DMD: variants seen among roughly 807,000 people sequenced by gnomAD.
DMD encodes dystrophin.
DMD carries 63 observed loss-of-function variants against 330.1 expected under a neutral mutation model. The ratio of observed to expected loss-of-function variants is 0.19; its 90% confidence interval spans 0.16 to 0.24. The LOEUF (loss-of-function observed/expected upper bound fraction) is 0.24. DMD is among the 10% of genes least tolerant of loss of function. The pLI is 1.00. For missense variants in DMD, 3,344 were observed against 2,684.1 expected (o/e 1.25, Z -5.43); for synonymous variants, 1,223 against 959.8 (o/e 1.27, Z -5.07).
intron 48 of DMD, among the ~76,000 whole-genome samples, chrX:31,849,215 C>CATTT (rs55862537): frequency 1.2e-3 from 131 of 107,743 alleles, no homozygotes; most frequent in Non-Finnish European, 1.9e-3. Flanking sequence ...TATGTTCAAA[C>CATTT]ATTTATTTAT....
intron 32 of DMD, 144 bp downstream of exon 32, chrX:32,389,357 G>T: frequency 1.6e-6 from 1 of 622,385 alleles, no homozygotes; most frequent in South Asian, 2.5e-5. Flanking sequence ...CACAATACAT[G>T]TGCCAATTTT....
chrX:33,227,250 A>T (rs754183197), intron 1 of DMD, among the ~76,000 whole-genome samples: 2 of 111,224 alleles, frequency 1.8e-5, no homozygotes, highest in Admixed American at 1.9e-4. Context: ...TTTAGAGTGC[A>T]ACTTCAGCAA....
intron 44 of DMD, among the ~76,000 whole-genome samples, chrX:32,026,628 C>T (rs2095847408): frequency 8.9e-6 from 1 of 112,312 alleles, no homozygotes; most frequent in Non-Finnish European, 1.9e-5. Flanking sequence ...TTATTTTCCT[C>T]CTAAATATGT....
At chrX:31,284,687 C>G (rs1378787167) in intron 62 of DMD, among the ~76,000 whole-genome samples, 1 of 107,355 alleles carries the variant, frequency 9.3e-6, no homozygotes, top group Non-Finnish European at 1.9e-5. Flanking sequence ...GCTCCCACCT[C>G]AGCCTCCCAA....
intron 7 of DMD, among the ~76,000 whole-genome samples, chrX:32,790,552 C>A (rs1045959079): frequency 5.4e-5 from 6 of 111,467 alleles, no homozygotes; most frequent in African/African-American, 9.8e-5. Flanking sequence ...TATGTCCTGA[C>A]CTAGGACTAA....
At chrX:33,160,401 T>G (rs780153817) in intron 1 of DMD, among the ~76,000 whole-genome samples, 2 of 111,572 alleles carry the variant, frequency 1.8e-5, no homozygotes, top group Non-Finnish European at 3.8e-5. Flanking sequence ...AGGAAGGCTC[T>G]ACTTCCTCAG....
intron 59 of DMD, among the ~76,000 whole-genome samples, chrX:31,474,646 T>C (rs966797077): frequency 1.5e-4 from 16 of 104,008 alleles, no homozygotes; most frequent in Non-Finnish European, 2.7e-4. Flanking sequence ...GAGGTGGAGG[T>C]TGCAGTGAGC....
intron 44 of DMD, chrX:32,035,575 A>G (rs961789613): frequency 6.5e-6 from 2 of 306,911 alleles, no homozygotes; most frequent in Non-Finnish European, 1.2e-5. Context: ...TAGCAGAAAT[A>G]CAGGCTTCTA....
intron 6 of DMD, 142 bp downstream of exon 6, chrX:32,816,326 T>C (rs2077757887): frequency 1.6e-6 from 1 of 622,390 alleles, no homozygotes; most frequent in African/African-American, 2.2e-5. Context: ...TTCATTCCAA[T>C]GGAACGTTAG....
intron 60 of DMD, among the ~76,000 whole-genome samples, chrX:31,396,208 G>A (rs1371553594): frequency 1.9e-5 from 2 of 107,000 alleles, no homozygotes; most frequent in Non-Finnish European, 3.9e-5. Context: ...CGCGATCTCG[G>A]CTCACTGCAA....
chrX:32,670,726 T>C (rs2061581061), intron 9 of DMD, among the ~76,000 whole-genome samples: 1 of 112,551 alleles, frequency 8.9e-6, no homozygotes, highest in Non-Finnish European at 1.9e-5. Context: ...TAATTATTTG[T>C]AAACAAAGAC....
intron 44 of DMD, among the ~76,000 whole-genome samples, chrX:32,086,651 T>C (rs772197234): frequency 1.0e-3 from 112 of 111,741 alleles, no homozygotes; most frequent in African/African-American, 3.6e-3. Context: ...TGTAGCTGCT[T>C]GAGGCCACTC....
At chrX:32,639,685 T>G (rs1192404539) in intron 11 of DMD, among the ~76,000 whole-genome samples, 3 of 112,043 alleles carry the variant, frequency 2.7e-5, no homozygotes, top group Non-Finnish European at 5.6e-5. Flanking sequence ...AGTGTGGTTA[T>G]GAAGGAGAAA....
intron 2 of DMD, among the ~76,000 whole-genome samples, chrX:32,880,261 T>A (rs1877610492): frequency 9.8e-6 from 1 of 101,561 alleles, no homozygotes; most frequent in Non-Finnish European, 2.0e-5. Context: ...AATCAGCCAA[T>A]AGGCTGAAAG....
chrX:31,901,881 C>T (rs2094427700), intron 47 of DMD, among the ~76,000 whole-genome samples: 1 of 111,226 alleles, frequency 9.0e-6, no homozygotes, highest in Admixed American at 9.6e-5. Flanking sequence ...AATATGCATA[C>T]ACTGTGGAAT....
intron 9 of DMD, among the ~76,000 whole-genome samples, chrX:32,647,145 A>G (rs1190766593): frequency 8.9e-6 from 1 of 111,736 alleles, no homozygotes; most frequent in African/African-American, 3.3e-5. Context: ...GAAGAAACAC[A>G]TGCCTCTATT....
At chrX:32,944,575 T>G (rs1476503311) in intron 2 of DMD, among the ~76,000 whole-genome samples, 1 of 110,223 alleles carries the variant, frequency 9.1e-6, no homozygotes, top group African/African-American at 3.3e-5. Flanking sequence ...TCTCTTTTGT[T>G]TCACTAATCT....
At chrX:32,828,569 A>G (rs1029163554) in intron 4 of DMD, among the ~76,000 whole-genome samples, 1 of 110,015 alleles carries the variant, frequency 9.1e-6, no homozygotes, top group African/African-American at 3.3e-5. Context: ...CTACACATAT[A>G]CACATATATA....
intron 57 of DMD, among the ~76,000 whole-genome samples, chrX:31,483,618 T>G (rs1231803793): frequency 8.0e-5 from 9 of 111,948 alleles, no homozygotes; most frequent in African/African-American, 2.9e-4. Flanking sequence ...AGTTCTGTTA[T>G]TACAAAGACA....
Sources: allele counts gnomAD v4.1 joint callset (sites outside exome capture counted in the v4.1 genomes callset), GRCh38; gene constraint gnomAD v4.1.1; transcripts MANE v1.5; gene names NCBI Gene and HGNC (gene_info 2026-07-23, HGNC 2026-07-21).